The following UNC13B variants were observed in gnomAD, a reference collection of about 807,000 sequenced individuals.
UNC13B encodes protein unc-13 homolog B.
A neutral mutation model predicts 211.0 loss-of-function variants in UNC13B; 144 were observed. That is an observed-to-expected ratio of 0.68 (90% confidence interval 0.60 to 0.78). UNC13B has a LOEUF of 0.78. Ranked by LOEUF, UNC13B falls within the 30% of genes least tolerant of loss-of-function variation. UNC13B has a pLI of 0.00. For synonymous variants in UNC13B, 709 were observed against 725.8 expected, an observed-to-expected ratio of 0.98 and a Z score of 0.37; for missense variants, 1,777 against 2,002.0, an observed-to-expected ratio of 0.89 and a Z score of 2.14.
At position 35,162,013 on chromosome 9, in the gene UNC13B, C is replaced by G; in HGVS notation, c.-271C>G. 2 of 529,764 alleles carry G rather than the reference C, an allele frequency of 3.8e-6. No homozygotes were observed. The highest frequency in any genetic ancestry group is 6.6e-6 in the Non-Finnish European group (2 of 302,614). 32.8% of individuals were successfully genotyped at this position (529,764 alleles called of 1,614,324 possible). Reference sequence around the variant, plus strand: ...CCGGGTGGAATGACGGGAGGGAGTCCCGGCAGCTCCTACCTCCCAGCGATG... The same window carrying G: ...CCGGGTGGAATGACGGGAGGGAGTCGCGGCAGCTCCTACCTCCCAGCGATG... On this transcript the variant is annotated 5_prime_UTR_variant, in exon 1 of 40. Coordinates refer to ENST00000635942, the MANE Select transcript of UNC13B (RefSeq NM_001371189.2).
intron 37 of UNC13B, among the ~76,000 whole-genome samples, chr9:35,401,776 T>C (rs1192512995): frequency 6.6e-6 from 1 of 152,202 alleles, no homozygotes; most frequent in Non-Finnish European, 1.5e-5. Context: ...ATTTGGAGCA[T>C]TCACACACTG....
In UNC13B at chr9:35,258,369, A is replaced by G. The variant is rs191026864; in HGVS notation, c.469-624A>G. Among the ~76,000 whole-genome samples, 301 of 152,312 alleles carry G rather than the reference A, an allele frequency of 2.0e-3. 1 individual carries two copies. The highest frequency in any genetic ancestry group is 4.4e-3 in the Admixed American group (68 of 15,292). On this transcript the variant is annotated intron_variant, in intron 6 of 39. Coordinates refer to ENST00000635942, the MANE Select transcript of UNC13B (RefSeq NM_001371189.2). Reference sequence around the variant, plus strand: ...TCGGGCCCATCCTCAAGATTTGGACATAATTCTTTTCCTTTTATGGAACAT... The same window carrying G: ...TCGGGCCCATCCTCAAGATTTGGACGTAATTCTTTTCCTTTTATGGAACAT...
chr9:35,214,431 A>G (rs748973498), intron 1 of UNC13B, among the ~76,000 whole-genome samples: 15 of 152,140 alleles, frequency 9.9e-5, no homozygotes, highest in Non-Finnish European at 1.5e-4. Context: ...TGTCTCAAAA[A>G]CAAACAAACA....
intron 1 of UNC13B, among the ~76,000 whole-genome samples, chr9:35,174,572 G>T (rs10972368): frequency 0.82 from 122,079 of 148,996 alleles, 50,182 homozygotes; most frequent in East Asian, 0.98. Flanking sequence ...TTTTGAGACA[G>T]AGTCTCACTC....
At chr9:35,264,138 T>C (rs997601160) in intron 7 of UNC13B, among the ~76,000 whole-genome samples, 1 of 152,096 alleles carries the variant, frequency 6.6e-6, no homozygotes, top group African/African-American at 2.4e-5. Flanking sequence ...GAGATTTCCA[T>C]GAAGGGGTTA....
chr9:35,293,148 T>G (rs1313321973), intron 7 of UNC13B, among the ~76,000 whole-genome samples: 2 of 152,234 alleles, frequency 1.3e-5, no homozygotes, highest in Non-Finnish European at 2.9e-5. Context: ...CCTCTCCTGC[T>G]TTTCATATTC....
chr9:35,328,263 A>T (rs913590804), intron 11 of UNC13B, among the ~76,000 whole-genome samples: 1 of 152,108 alleles, frequency 6.6e-6, no homozygotes, highest in Non-Finnish European at 1.5e-5. Context: ...ACCTCAGGTG[A>T]TCCTCCCACC....
intron 1 of UNC13B, among the ~76,000 whole-genome samples, chr9:35,209,745 T>A (rs1249038302): frequency 1.3e-5 from 2 of 152,224 alleles, no homozygotes; most frequent in Admixed American, 6.5e-5. Context: ...TTCATTCCCT[T>A]TTCTACCCCC....
intron 1 of UNC13B, among the ~76,000 whole-genome samples, chr9:35,211,020 A>G (rs1823938046): frequency 6.6e-6 from 1 of 152,134 alleles, no homozygotes; most frequent in Admixed American, 6.6e-5. Context: ...CAGGAGTGCA[A>G]TACTGTGCTT....
At chr9:35,204,437 C>T (rs1396309589) in intron 1 of UNC13B, among the ~76,000 whole-genome samples, 1 of 152,138 alleles carries the variant, frequency 6.6e-6, no homozygotes, top group Non-Finnish European at 1.5e-5. Context: ...CCATTGGCAA[C>T]TTGCACACTG....
intron 9 of UNC13B, among the ~76,000 whole-genome samples, 186 bp downstream of exon 9, chr9:35,308,598 C>G (rs1830037015): frequency 1.3e-5 from 2 of 152,178 alleles, no homozygotes; most frequent in African/African-American, 2.4e-5. Flanking sequence ...TCATCCTCCC[C>G]TTCTCTCTCT....
chr9:35,295,900 A>G lies in UNC13B; in HGVS notation c.731A>G (p.Asp244Gly). The change falls in exon 8 of 40, where the codon GAC becomes GGC. Residue 244 changes from aspartate to glycine, a missense_variant. Coordinates refer to ENST00000635942, the MANE Select transcript of UNC13B (RefSeq NM_001371189.2). ...TGTAATGACTCTATGCAAAGTTATGACCTTGATTATCCAGAGCGGCGGGCT... is the reference window on the plus strand; with the variant it reads ...TGTAATGACTCTATGCAAAGTTATGGCCTTGATTATCCAGAGCGGCGGGCT... ...DSCNDSMQSY[D>G]LDYPERRAIR... The G allele has an allele frequency of 6.2e-7, 1 of 1,613,538 alleles. No homozygotes were observed.
At chr9:35,355,422 C>G (rs997424893) in intron 11 of UNC13B, among the ~76,000 whole-genome samples, 11 of 152,132 alleles carry the variant, frequency 7.2e-5, no homozygotes, top group African/African-American at 2.4e-4. Context: ...TTACGTCATT[C>G]TCTTTTCAAA....
At chr9:35,262,778 A>C (rs930862834) in intron 7 of UNC13B, among the ~76,000 whole-genome samples, 4 of 152,126 alleles carry the variant, frequency 2.6e-5, no homozygotes, top group Non-Finnish European at 2.9e-5. Flanking sequence ...AAAAAAATAC[A>C]AAAATTAGTC....
At chr9:35,374,298 G>A in intron 13 of UNC13B, among the ~76,000 whole-genome samples, 1 of 113,356 alleles carries the variant, frequency 8.8e-6, no homozygotes, top group Non-Finnish European at 1.7e-5. Context: ...CAAGAGTGTG[G>A]CTAGCAAGGC....
chr9:35,187,654 A>C (rs977538179), intron 1 of UNC13B, among the ~76,000 whole-genome samples: 1 of 152,152 alleles, frequency 6.6e-6, no homozygotes, highest in Non-Finnish European at 1.5e-5. Context: ...CTTTGATGGA[A>C]CTCTGATCCA....
At chr9:35,329,468 T>C (rs1831244043) in intron 11 of UNC13B, among the ~76,000 whole-genome samples, 1 of 151,856 alleles carries the variant, frequency 6.6e-6, no homozygotes. Flanking sequence ...TGATCTTGGA[T>C]TTCTAATATC....
intron 6 of UNC13B, among the ~76,000 whole-genome samples, chr9:35,255,744 G>T (rs1046023246): frequency 6.6e-6 from 1 of 152,086 alleles, no homozygotes; most frequent in Non-Finnish European, 1.5e-5. Flanking sequence ...TTATAATAGT[G>T]ATGTTATTCC....
At chr9:35,234,705 A>AGG (rs964000221) in intron 3 of UNC13B, among the ~76,000 whole-genome samples, 6 of 152,244 alleles carry the variant, frequency 3.9e-5, no homozygotes, top group African/African-American at 1.4e-4. Flanking sequence ...GTAAGTGCTC[A>AGG]GGAAATGCTA....
Sources: allele counts gnomAD v4.1 joint callset (sites outside exome capture counted in the v4.1 genomes callset), GRCh38; gene constraint gnomAD v4.1.1; transcripts MANE v1.5; gene names NCBI Gene and HGNC (gene_info 2026-07-23, HGNC 2026-07-21).